Variants in FAM107A observed in about 807,000 individuals in gnomAD.
FAM107A encodes the protein actin-associated protein FAM107A.
A neutral mutation model predicts 13.7 loss-of-function variants in FAM107A; 19 were observed. The ratio of observed to expected loss-of-function variants is 1.38; its 90% CI spans 0.97 to 2.03. The LOEUF (loss-of-function observed/expected upper bound fraction) is 2.03. Ranked by LOEUF, FAM107A falls within the 30% of genes most tolerant of loss-of-function variation. FAM107A has a pLI of 0.00. For missense variants in FAM107A, 203 were observed against 184.4 expected, an observed-to-expected ratio of 1.10 and a Z score of -0.58; for synonymous variants, 82 against 74.5, an observed-to-expected ratio of 1.10 and a Z score of -0.52.
At chr3:58,614,911 T>G (rs1448575003) in intron 1 of FAM107A, among the ~76,000 whole-genome samples, 2 of 152,226 alleles carry the variant, frequency 1.3e-5, no homozygotes, top group African/African-American at 2.4e-5. Flanking sequence ...GTTCAAGTGA[T>G]TCTACCACCT....
chr3:58,586,932 G>T, exon 1 of FAM107A: 2 of 1,529,688 alleles, frequency 1.3e-6, no homozygotes, highest in South Asian at 1.2e-5. Flanking sequence ...CAGCCTCTGC[G>T]CCATGCCCCC....
chr3:58,576,976 C>G (rs2063735925), intron 1 of FAM107A, among the ~76,000 whole-genome samples: 1 of 152,182 alleles, frequency 6.6e-6, no homozygotes, highest in South Asian at 2.1e-4. Context: ...AATTAAACCC[C>G]CATACTGTGT....
At chr3:58,574,723 G>C (rs2063716217) in intron 1 of FAM107A, among the ~76,000 whole-genome samples, 2 of 152,128 alleles carry the variant, frequency 1.3e-5, no homozygotes, top group Admixed American at 6.5e-5. Flanking sequence ...GTTTTTCCTG[G>C]GGTGGGGATA....
chr3:58,611,963 T>G (rs57001697), intron 1 of FAM107A, among the ~76,000 whole-genome samples: 138,633 of 149,406 alleles, frequency 0.93, 64,461 homozygotes, highest in Non-Finnish European at 0.96. Flanking sequence ...CAGATTGTGG[T>G]TTTTTTTCTT....
chr3:58,591,300 G>A (rs1195635978), upstream of FAM107A, among the ~76,000 whole-genome samples: 4 of 152,198 alleles, frequency 2.6e-5, no homozygotes, highest in East Asian at 3.8e-4. This position sits in a 1 kb window ranked among gnomAD's most constrained non-coding sequence, Gnocchi z 4.3. Flanking sequence ...ATGGGAAGAT[G>A]AGACATGGAC....
At position 58,565,175 on chromosome 3, in the gene FAM107A, A is replaced by G. The variant is rs2063607393; in HGVS notation, c.*1413T>C. On this transcript the variant is annotated 3_prime_UTR_variant, in exon 4 of 4. Transcript: ENST00000360997. The stretch of plus-strand genomic sequence containing the variant: ...CTGGTTTATTCTCTAATTCTTTAAA[A>G]ATGGGATAGGAGCAAAAGGTTAAAA... 6.6e-6 allele frequency: 1 copy of G among 152,210 alleles called. No individual in the cohort carries two copies. The allele number at this position is 152,210 out of a possible 1,614,324, so 9.4% of individuals were successfully genotyped here. A position where few individuals can be genotyped will look rare whatever the true frequency, so the allele number is the denominator to read the frequency against.
At chr3:58,585,782 C>T (rs1431417347) in intron 1 of FAM107A, among the ~76,000 whole-genome samples, 1 of 152,228 alleles carries the variant, frequency 6.6e-6, no homozygotes, top group Non-Finnish European at 1.5e-5. Flanking sequence ...GAGGAAAATA[C>T]CCCAAATGCT....
chr3:58,612,275 A>G (rs1468584248), intron 1 of FAM107A, among the ~76,000 whole-genome samples: 2 of 152,200 alleles, frequency 1.3e-5, no homozygotes, highest in African/African-American at 2.4e-5. Flanking sequence ...GTGGAATGCT[A>G]TGTACCCATG....
At chr3:58,587,053 C>T in exon 1 of FAM107A, 2 of 1,367,104 alleles carry the variant, frequency 1.5e-6, no homozygotes, top group Non-Finnish European at 1.9e-6. Context: ...TCCCAAACCC[C>T]GCTGAGGGTC....
chr3:58,618,801 G>C (rs533084007), intron 1 of FAM107A, among the ~76,000 whole-genome samples: 3 of 152,004 alleles, frequency 2.0e-5, no homozygotes, highest in East Asian at 1.9e-4. Context: ...GTTGGGGCAG[G>C]GGGTGAAGTC....
At chr3:58,607,593 CATGTATGTGTGTAT>C (rs1354435357) in intron 1 of FAM107A, 2 of 152,024 alleles carry the variant, frequency 1.3e-5, no homozygotes, top group African/African-American at 4.8e-5. Flanking sequence ...TATACGTGTG[CATGTATGTGTGTAT>C]ACGTGTGCAT....
At position 58,602,767 on chromosome 3, in the gene FAM107A, A is replaced by G. The variant is rs573855905; in HGVS notation, c.-69-13498T>C. 1.5e-4 allele frequency among the ~76,000 whole-genome samples: 23 copies of G among 152,342 alleles called. No homozygotes were observed. In the South Asian group the frequency reaches 3.5e-3, roughly 23 times the overall value. On this transcript the variant is annotated intron_variant, in intron 1 of 3. Coordinates refer to the FAM107A transcript ENST00000465970. ...TTTATGTATTCAGTCTTACATATCT[A>G]TATTTATCTCTATGTAGTATTACTT...
In FAM107A at chr3:58,566,259, C is replaced by T. The variant is rs2063619558; in HGVS notation, c.*329G>A. 3.9e-6 allele frequency: 1 copy of T among 258,950 alleles called. No homozygotes were observed. The allele number at this position is 258,950 out of a possible 1,614,324, so 16.0% of individuals were successfully genotyped here. The stretch of plus-strand genomic sequence containing the variant: ...TCCTGGTGGGAAGGCCTGGGCAGAA[C>T]AGAAGGCTTGTCAAGTCAGAGGGCC... On this transcript the variant is annotated 3_prime_UTR_variant, in exon 4 of 4. Transcript: ENST00000360997.
chr3:58,566,545 G>T lies in FAM107A; in HGVS notation c.*43C>A. On this transcript the variant is annotated 3_prime_UTR_variant, in exon 4 of 4. Transcript: ENST00000360997. ...AGGTACAGAAGGGCTGAAGGAGGCT[G>T]TCCAGGCCAGGGTGGGCAGTGGCCT... The T allele has an allele frequency of 6.8e-7, 1 of 1,462,816 alleles. No individual in the cohort carries two copies. Among genetic ancestry groups the T allele is most frequent in the Non-Finnish European group, 9.6e-7 (1 of 1,044,680 alleles). 90.6% of individuals were successfully genotyped at this position (1,462,816 alleles called of 1,614,324 possible).
At chr3:58,577,861 C>T (rs141061830), upstream of FAM107A, 13 of 293,610 alleles carry the variant, frequency 4.4e-5, no homozygotes, top group East Asian at 1.6e-3. The surrounding 1 kb of genome is among the most constrained non-coding windows in gnomAD (Gnocchi z 4.9). Flanking sequence ...TCTTAATTAT[C>T]CACGAATGGG....
chr3:58,593,880 G>T (rs1438200760), intron 1 of FAM107A, among the ~76,000 whole-genome samples: 1 of 151,944 alleles, frequency 6.6e-6, no homozygotes, highest in Non-Finnish European at 1.5e-5. Flanking sequence ...GGATGGATTT[G>T]TTGAGAACTG....
At chr3:58,584,638 G>C (rs1009145633) in intron 1 of FAM107A, among the ~76,000 whole-genome samples, 1 of 152,160 alleles carries the variant, frequency 6.6e-6, no homozygotes, top group African/African-American at 2.4e-5. Flanking sequence ...TCTGGAGGCA[G>C]GGAACATATG....
chr3:58,594,856 A>G (rs1383858599), intron 1 of FAM107A, among the ~76,000 whole-genome samples: 1 of 152,136 alleles, frequency 6.6e-6, no homozygotes, highest in Non-Finnish European at 1.5e-5. Flanking sequence ...GAGCCCCAAA[A>G]CTTGCCAACC....
At chr3:58,579,270 A>G (rs2063753489), upstream of FAM107A, among the ~76,000 whole-genome samples, 1 of 151,880 alleles carries the variant, frequency 6.6e-6, no homozygotes, top group South Asian at 2.1e-4. Flanking sequence ...CTTGGGAGTG[A>G]GGGAGGTGGG....
Sources: allele counts gnomAD v4.1 joint callset (sites outside exome capture counted in the v4.1 genomes callset), GRCh38; gene constraint gnomAD v4.1.1; non-coding constraint Gnocchi (gnomAD v3.1); transcripts MANE v1.5; gene names NCBI Gene and HGNC (gene_info 2026-07-23, HGNC 2026-07-21).